GABRB2: variants seen among roughly 807,000 people sequenced by gnomAD.
The protein encoded by GABRB2 is gamma-aminobutyric acid type A receptor subunit beta2.
A neutral mutation model predicts 54.7 loss-of-function variants in GABRB2; 16 were observed. That is an observed-to-expected ratio of 0.29 (90% CI 0.20 to 0.44). The LOEUF is 0.44. GABRB2 is among the 20% of genes least tolerant of loss of function. GABRB2 has a pLI of 1.00. For missense variants in GABRB2, 355 were observed against 644.0 expected, an observed-to-expected ratio of 0.55 and a Z score of 4.86; for synonymous variants, 244 against 233.8, an observed-to-expected ratio of 1.04 and a Z score of -0.40.
chr5:161,396,115 C>T (rs3111046), intron 5 of GABRB2, among the ~76,000 whole-genome samples: 140,020 of 152,240 alleles, frequency 0.92, 64,495 homozygotes, highest in African/African-American at 0.98. Context: ...TGTTCCGATA[C>T]TTTGGGCTCT....
intron 5 of GABRB2, among the ~76,000 whole-genome samples, chr5:161,339,926 T>TA (rs1273261566): frequency 6.6e-6 from 1 of 151,776 alleles, no homozygotes; most frequent in Admixed American, 6.6e-5. Flanking sequence ...CATTAGGACA[T>TA]AAAAAATACA....
intron 3 of GABRB2, among the ~76,000 whole-genome samples, chr5:161,535,844 G>C (rs1760617341): frequency 6.6e-6 from 1 of 152,184 alleles, no homozygotes; most frequent in Non-Finnish European, 1.5e-5. Context: ...GGTGCTAAGA[G>C]TCATGGGGGC....
At chr5:161,434,422 C>T (rs1398692555) in intron 4 of GABRB2, among the ~76,000 whole-genome samples, 1 of 152,150 alleles carries the variant, frequency 6.6e-6, no homozygotes, top group Non-Finnish European at 1.5e-5. Context: ...AGTCCAGGCT[C>T]TTAAAAATTA....
At chr5:161,352,269 A>G (rs756698601) in intron 5 of GABRB2, among the ~76,000 whole-genome samples, 45 of 152,176 alleles carry the variant, frequency 3.0e-4, no homozygotes, top group Middle Eastern at 3.4e-3. Context: ...TCACTGAAAT[A>G]TTATTTATAA....
At chr5:161,477,202 T>C (rs1238086887) in intron 3 of GABRB2, among the ~76,000 whole-genome samples, 2 of 146,312 alleles carry the variant, frequency 1.4e-5, no homozygotes, top group African/African-American at 5.1e-5. Flanking sequence ...CTAATCATTA[T>C]AAAAATGCAA....
chr5:161,393,452 A>G (rs1438420139), intron 5 of GABRB2, among the ~76,000 whole-genome samples: 1 of 151,906 alleles, frequency 6.6e-6, no homozygotes, highest in Admixed American at 6.6e-5. Context: ...TCATCCAACT[A>G]AAAAGCAGGA....
intron 5 of GABRB2, among the ~76,000 whole-genome samples, chr5:161,394,230 G>A (rs1346069930): frequency 1.3e-5 from 2 of 151,906 alleles, no homozygotes; most frequent in Non-Finnish European, 2.9e-5. Context: ...AGAGGGAAAC[G>A]TGTTGCTTTA....
At chr5:161,352,306 T>A (rs1277249792) in intron 5 of GABRB2, among the ~76,000 whole-genome samples, 2 of 151,958 alleles carry the variant, frequency 1.3e-5, no homozygotes, top group Non-Finnish European at 2.9e-5. Context: ...TGAACCTGTG[T>A]CCATCAATGG....
At chr5:161,385,124 G>C (rs887338248) in intron 5 of GABRB2, among the ~76,000 whole-genome samples, 1 of 152,070 alleles carries the variant, frequency 6.6e-6, no homozygotes, top group African/African-American at 2.4e-5. Flanking sequence ...AAAGTGCCGG[G>C]TCTCTGATTT....
At chr5:161,449,882 C>T (rs561307511) in intron 4 of GABRB2, among the ~76,000 whole-genome samples, 13 of 152,094 alleles carry the variant, frequency 8.5e-5, no homozygotes, top group African/African-American at 1.2e-4. Context: ...CTTCTTTCCA[C>T]GTTCACAGTA....
At chr5:161,416,906 C>CTATAATTATAAAA (rs1442916063) in intron 4 of GABRB2, among the ~76,000 whole-genome samples, 2 of 151,324 alleles carry the variant, frequency 1.3e-5, no homozygotes, top group Non-Finnish European at 2.9e-5. Context: ...TTAAAAAGGC[C>CTATAATTATAAAA]AATTATAAAA....
chr5:161,316,856 C>A (rs1350546290), intron 9 of GABRB2, among the ~76,000 whole-genome samples: 6 of 152,184 alleles, frequency 3.9e-5, no homozygotes, highest in Non-Finnish European at 8.8e-5. Flanking sequence ...AGGTGATCCA[C>A]CTGCCTCGGG....
chr5:161,496,049 A>T (rs1393427385), intron 3 of GABRB2, among the ~76,000 whole-genome samples: 1 of 152,126 alleles, frequency 6.6e-6, no homozygotes, highest in East Asian at 1.9e-4. Context: ...TGGTGACAAG[A>T]ACATACCATC....
At chr5:161,313,273 T>C (rs1452564484) in intron 9 of GABRB2, among the ~76,000 whole-genome samples, 1 of 152,178 alleles carries the variant, frequency 6.6e-6, no homozygotes, top group African/African-American at 2.4e-5. Context: ...TACAAAATGA[T>C]AGAATCCTTT....
intron 2 of GABRB2, 113 bp from the exon 3 acceptor site, chr5:161,545,407 T>A: frequency 1.8e-4 from 67 of 381,294 alleles, no homozygotes; most frequent in Non-Finnish European, 2.6e-4. Flanking sequence ...CTACTCAATC[T>A]CAAATTTTTC....
rs1756283557 is a variant in GABRB2, at chr5:161,404,208, A to C, written c.541+6767T>G. ...TTAAACCAAGACCACATTCCAACAA[A>C]GTATCTTCACACAGCAAGAATGGAA... is the stretch of plus-strand genomic sequence containing the variant. On this transcript the variant is annotated intron_variant, in intron 5 of 9. Transcript: ENST00000393959. Among the ~76,000 whole-genome samples the C allele has an allele frequency of 2.0e-5, 3 of 152,256 alleles. No homozygotes were observed. In the South Asian group the frequency reaches 6.2e-4, roughly 32 times the overall value.
At chr5:161,326,713 C>T (rs1758374508) in intron 8 of GABRB2, among the ~76,000 whole-genome samples, 1 of 151,972 alleles carries the variant, frequency 6.6e-6, no homozygotes, top group South Asian at 2.1e-4. Flanking sequence ...AGTGGCTTTA[C>T]ATTAGAAAAG....
intron 3 of GABRB2, among the ~76,000 whole-genome samples, chr5:161,494,538 CGTGT>C (rs35292247): frequency 0.083 from 12,156 of 145,722 alleles, 607 homozygotes; most frequent in African/African-American, 0.15. Flanking sequence ...GTTAGGTATG[CGTGT>C]GTGTGTGTGT....
intron 5 of GABRB2, among the ~76,000 whole-genome samples, chr5:161,363,517 T>TAC (rs1754880996): frequency 6.6e-6 from 1 of 151,884 alleles, no homozygotes; most frequent in Admixed American, 6.6e-5. Flanking sequence ...TCCCAGAACT[T>TAC]AAAGTATAAT....
Sources: allele counts gnomAD v4.1 joint callset (sites outside exome capture counted in the v4.1 genomes callset), GRCh38; gene constraint gnomAD v4.1.1; transcripts MANE v1.5; gene names NCBI Gene and HGNC (gene_info 2026-07-23, HGNC 2026-07-21).